SNX22: variants seen among roughly 807,000 people sequenced by gnomAD.
SNX22 encodes the protein sorting nexin 22, also known as sorting nexin-22.
SNX22 carries 23 observed loss-of-function variants against 24.7 expected under a neutral mutation model. The observed-to-expected ratio is 0.93, with a 90% confidence interval of 0.67 to 1.32. The LOEUF (loss-of-function observed/expected upper bound fraction) is 1.32. SNX22 is among the 40% of genes most tolerant of loss of function. SNX22 has a pLI of 0.00. For missense variants in SNX22, 261 were observed against 249.9 expected, an observed-to-expected ratio of 1.04 and a Z score of -0.30; for synonymous variants, 99 against 104.0, an observed-to-expected ratio of 0.95 and a Z score of 0.29.
Position 64,156,028 on chromosome 15 carries a change from C to A in SNX22, c.*1520C>A, listed in dbSNP as rs1036746834. On this transcript the variant is annotated 3_prime_UTR_variant, in exon 7 of 7. Transcript: ENST00000325881. The surrounding 1 kb of genome is among the most constrained non-coding windows in gnomAD (Gnocchi z 6.4). ...AAGAAAGATGTCCCTGTGCCCTACT[C>A]CTTGGCGATGGCAAAGGGCTTCTCC... The A allele has an allele frequency of 1.9e-6, 3 of 1,614,186 alleles. No individual in the cohort carries two copies. In the Admixed American group the frequency reaches 5.0e-5, roughly 27 times the overall value.
intron 2 of SNX22, 102 bp from the exon 3 acceptor site, chr15:64,152,536 T>G (rs765816405): frequency 7.7e-7 from 1 of 1,300,832 alleles, no homozygotes; most frequent in South Asian, 1.3e-5. Context: ...TCTGTCCCAG[T>G]AGAGCCCGAA....
chr15:64,156,220 A>G lies in SNX22; in HGVS notation c.*1712A>G. On this transcript the variant is annotated 3_prime_UTR_variant, in exon 7 of 7. Coordinates refer to ENST00000325881, the MANE Select transcript of SNX22 (RefSeq NM_024798.3). This position sits in a 1 kb window ranked among gnomAD's most constrained non-coding sequence, Gnocchi z 6.4. ...CCGCTCAGGAGAAAGGCCCCAGCGTATGGCTCAGGAGGGCTAAGACCCACA... is the reference window on the plus strand; with the variant it reads ...CCGCTCAGGAGAAAGGCCCCAGCGTGTGGCTCAGGAGGGCTAAGACCCACA... 1.3e-6 allele frequency: 2 copies of G among 1,584,134 alleles called. No individual in the cohort carries two copies. Among genetic ancestry groups the G allele is most frequent in the Non-Finnish European group, 8.6e-7 (1 of 1,159,650 alleles).
rs557505899 is a variant in SNX22 at position 64,154,463 on chromosome 15, G to T, written c.537G>T (p.Gln179His). The T allele has an allele frequency of 6.2e-7, 1 of 1,614,138 alleles. No individual in the cohort carries two copies. The highest frequency in any genetic ancestry group is 1.1e-5 in the South Asian group (1 of 91,084). ...YSFSISPDKA[Q>H]PKAACHPAPL... The stretch of plus-strand genomic sequence containing the variant: ...TCAGCATCAGCCCAGATAAAGCCCA[G>T]CCAAAGGCGGCCTGTCACCCTGCTC... Residue 179 changes from glutamine (Q) to histidine (H), a missense_variant, in exon 7 of 7, where the codon CAG becomes CAT. By Grantham distance (24) the Gln-to-His change is conservative. Coordinates refer to ENST00000325881, the MANE Select transcript of SNX22 (RefSeq NM_024798.3).
Position 64,154,499 on chromosome 15 carries a change from G to A in SNX22, c.573G>A (p.Pro191=), listed in dbSNP as rs143435068. Residue 191 remains proline (P), a synonymous_variant, in exon 7 of 7, where the codon CCG becomes CCA. Coordinates refer to ENST00000325881, the MANE Select transcript of SNX22 (RefSeq NM_024798.3). ...KAACHPAPLP[P]MP ...CCTGTCACCCTGCTCCTCTGCCACC[G>A]ATGCCCTGATCAGTCCAGAGGCCTT... 8.2e-4 allele frequency: 1,326 copies of A among 1,614,106 alleles called. No homozygotes were observed. Among genetic ancestry groups the A allele is most frequent in the Middle Eastern group, 2.8e-3 (17 of 6,062 alleles).
In SNX22 at chr15:64,152,673, G is replaced by C. The variant is rs140236564; in HGVS notation, c.195G>C (p.Ser65=). The C allele has an allele frequency of 5.2e-4, 839 of 1,614,190 alleles. 2 individuals are homozygous for C. The highest frequency in any genetic ancestry group is 4.8e-4 in the Admixed American group (29 of 60,024). The change falls in exon 3 of 7, where the codon TCG becomes TCC. Residue 65 remains serine (S), a synonymous_variant. Transcript: ENST00000325881. ...KKLYKVPDFP[S]KRLPNWRTRG... is the part of the protein sequence containing the mutation. ...TGTACAAAGTGCCCGACTTCCCCTC[G>C]AAACGCCTGCCCAACTGGAGGACCA... is the stretch of plus-strand genomic sequence containing the variant.
In SNX22 at chr15:64,152,661, C is replaced by A; in HGVS notation, c.183C>A (p.Pro61=). The A allele has an allele frequency of 6.2e-7, 1 of 1,614,184 alleles. No homozygotes were observed. Among genetic ancestry groups the A allele is most frequent in the Non-Finnish European group, 8.5e-7 (1 of 1,180,022 alleles). The change falls in exon 3 of 7, where the codon CCC becomes CCA. Residue 61 remains proline, a synonymous_variant. Coordinates refer to ENST00000325881, the MANE Select transcript of SNX22 (RefSeq NM_024798.3). ...AGATCAAGAAGCTGTACAAAGTGCCCGACTTCCCCTCGAAACGCCTGCCCA... is the reference window on the plus strand; with the variant it reads ...AGATCAAGAAGCTGTACAAAGTGCCAGACTTCCCCTCGAAACGCCTGCCCA... ...HKRIKKLYKV[P]DFPSKRLPNW...
In SNX22 at chr15:64,156,072, TC is replaced by T; in HGVS notation, c.*1565del. 1 of 1,614,228 alleles carries T rather than the reference TC, an allele frequency of 6.2e-7. No homozygotes were observed. The highest frequency in any genetic ancestry group is 8.5e-7 in the Non-Finnish European group (1 of 1,180,040). ...CTTCTCCACCTCGATCTTGCCGCAG[TC>T]TGCGATGATCACATCCTTCAGGGGT... is the stretch of plus-strand genomic sequence containing the variant. On this transcript the variant is annotated 3_prime_UTR_variant, in exon 7 of 7. Transcript: ENST00000325881. The surrounding 1 kb of genome is among the most constrained non-coding windows in gnomAD (Gnocchi z 6.4).
chr15:64,152,771 C>T lies in SNX22; in HGVS notation c.264+29C>T, dbSNP rs963198757. On this transcript the variant is annotated intron_variant, in intron 3 of 6. Coordinates refer to ENST00000325881, the MANE Select transcript of SNX22 (RefSeq NM_024798.3). ...TGCGAGAGCACAGTTGGTTGCCCCCCGGCCTTCTGTGCCAGGGGTGTGGCC... is the reference window on the plus strand; with the variant it reads ...TGCGAGAGCACAGTTGGTTGCCCCCTGGCCTTCTGTGCCAGGGGTGTGGCC... 11 of 1,599,328 alleles carry T rather than the reference C, an allele frequency of 6.9e-6. No individual in the cohort carries two copies. In the Admixed American group the frequency reaches 8.3e-5, roughly 12 times the overall value.
Position 64,152,731 on chromosome 15 carries a change from GCT to G in SNX22, c.254_255del (p.Ala85ValfsTer32). 6.2e-7 allele frequency: 1 copy of G among 1,614,160 alleles called. No homozygotes were observed. The highest frequency in any genetic ancestry group is 1.1e-5 in the South Asian group (1 of 91,088). On this transcript the variant is annotated frameshift_variant, in exon 3 of 7. Coordinates refer to ENST00000325881, the MANE Select transcript of SNX22 (RefSeq NM_024798.3). LOFTEE classifies it high-confidence loss of function. ...GGAACAGCGCCGGCAGGGCTTGGAG[GCT>G]TACATCCAGGTATGCGAGAGCACAG... Reference protein sequence around the residue: ...GLEQRRQGLEAYIQGILYLNQ... With the variant: ...GLEQRRQGLEXYIQGILYLNQ...
At chr15:64,154,180 G>T in intron 6 of SNX22, 178 bp downstream of exon 6, 1 of 1,573,660 alleles carries the variant, frequency 6.4e-7, no homozygotes, top group South Asian at 1.1e-5. Context: ...TGGCTTCCCT[G>T]GTCTCCATTT....
chr15:64,157,007 C>A lies in SNX22; in HGVS notation c.*2499C>A, dbSNP rs2081538171. The A allele has an allele frequency of 7.8e-7, 1 of 1,280,320 alleles. No homozygotes were observed. 79.3% of individuals were successfully genotyped at this position (1,280,320 alleles called of 1,614,324 possible). ...GAGGGGGCTTAACCTGTCCTCTGTG[C>A]CAGGCTAGGCTGGAGTGGACTACAA... On this transcript the variant is annotated 3_prime_UTR_variant, in exon 7 of 7. Coordinates refer to ENST00000325881, the MANE Select transcript of SNX22 (RefSeq NM_024798.3). This position sits in a 1 kb window ranked among gnomAD's most constrained non-coding sequence, Gnocchi z 4.2.
In SNX22 at chr15:64,153,352, G is replaced by A; in HGVS notation, c.359+13G>A. On this transcript the variant is annotated intron_variant, in intron 4 of 6. Coordinates refer to ENST00000325881, the MANE Select transcript of SNX22 (RefSeq NM_024798.3). ...CTAGCAACTGGGGGTAAGGGGGGCCGATGGCGGGGGCCAGGGGCTGTCAGC... is the reference window on the plus strand; with the variant it reads ...CTAGCAACTGGGGGTAAGGGGGGCCAATGGCGGGGGCCAGGGGCTGTCAGC... 1 of 1,613,344 alleles carries A rather than the reference G, an allele frequency of 6.2e-7. No homozygotes were observed. Among genetic ancestry groups the A allele is most frequent in the South Asian group, 1.1e-5 (1 of 91,064 alleles).
rs1018558060 is a variant in SNX22, at chr15:64,151,982, C to T, written c.75+132C>T. The T allele has an allele frequency of 4.0e-6, 4 of 995,544 alleles. No individual in the cohort carries two copies. The African/African-American group carries it at 5.2e-5, about 13-fold the overall frequency. 61.7% of individuals were successfully genotyped at this position (995,544 alleles called of 1,614,324 possible). A position where few individuals can be genotyped will look rare whatever the true frequency, so the allele number is the denominator to read the frequency against. The stretch of plus-strand genomic sequence containing the variant: ...GCTGGACCGTCGGGGGAAACCTTGT[C>T]GAGGGTTTGGGGGCCGCTTGGATTT... On this transcript the variant is annotated intron_variant, in intron 1 of 6. Coordinates refer to ENST00000325881, the MANE Select transcript of SNX22 (RefSeq NM_024798.3).
chr15:64,156,785 T>G lies in SNX22; in HGVS notation c.*2277T>G. 1 of 1,614,192 alleles carries G rather than the reference T, an allele frequency of 6.2e-7. No homozygotes were observed. Among genetic ancestry groups the G allele is most frequent in the Non-Finnish European group, 8.5e-7 (1 of 1,180,024 alleles). ...TGCCATCTAGCCAGGCTGTCTTGAC[T>G]GTCGTGATGAAGAACTGGGAGCCGT... On this transcript the variant is annotated 3_prime_UTR_variant, in exon 7 of 7. Transcript: ENST00000325881. This position sits in a 1 kb window ranked among gnomAD's most constrained non-coding sequence, Gnocchi z 6.4.
Position 64,156,668 on chromosome 15 carries a change from C to T in SNX22, c.*2160C>T. 6.2e-7 allele frequency: 1 copy of T among 1,600,108 alleles called. No homozygotes were observed. The highest frequency in any genetic ancestry group is 8.6e-7 in the Non-Finnish European group (1 of 1,167,360). ...ACACATGGAGCTCCTGCCCTGGGGT[C>T]TGTGTTGAATCCCCGGTGAGGATTG... On this transcript the variant is annotated 3_prime_UTR_variant, in exon 7 of 7. Coordinates refer to ENST00000325881, the MANE Select transcript of SNX22 (RefSeq NM_024798.3). This position sits in a 1 kb window ranked among gnomAD's most constrained non-coding sequence, Gnocchi z 6.4.
At position 64,156,491 on chromosome 15, in the gene SNX22, G is replaced by T. The variant is rs143219457; in HGVS notation, c.*1983G>T. 49 of 637,936 alleles carry T rather than the reference G, an allele frequency of 7.7e-5. No homozygotes were observed. In the East Asian group the frequency reaches 1.3e-3, roughly 16 times the overall value. The allele number at this position is 637,936 out of a possible 1,614,324, so 39.5% of individuals were successfully genotyped here. A position where few individuals can be genotyped will look rare whatever the true frequency, so the allele number is the denominator to read the frequency against. ...CAGCACGTCACTGAGTGAAGGAGGG[G>T]AGGGAGGCTCTGGCAGTTGTGCAGC... On this transcript the variant is annotated 3_prime_UTR_variant, in exon 7 of 7. Transcript: ENST00000325881. The surrounding 1 kb of genome is among the most constrained non-coding windows in gnomAD (Gnocchi z 6.4).
Position 64,152,324 on chromosome 15 carries a change from C to T in SNX22, c.157C>T (p.Arg53Trp), listed in dbSNP as rs1396224911. The change falls in exon 2 of 7, where the codon CGG (arginine) becomes TGG (tryptophan). Residue 53 changes from arginine (R) to tryptophan (W), a missense_variant and splice_region_variant. Coordinates refer to ENST00000325881, the MANE Select transcript of SNX22 (RefSeq NM_024798.3). ...RYSEFHALHK[R>W]IKKLYKVPDF... Reference sequence around the variant, plus strand: ...CAGCGAGTTCCACGCGCTGCACAAGCGGGTGAGGCGGCGCCGACCTCCCAC... The same window carrying T: ...CAGCGAGTTCCACGCGCTGCACAAGTGGGTGAGGCGGCGCCGACCTCCCAC... The T allele has an allele frequency of 2.0e-6, 3 of 1,512,910 alleles. No homozygotes were observed. The highest frequency in any genetic ancestry group is 2.1e-5 in the Admixed American group (1 of 47,732). 93.7% of individuals were successfully genotyped at this position (1,512,910 alleles called of 1,614,324 possible).
intron 6 of SNX22, 165 bp downstream of exon 6, chr15:64,154,167 G>A: frequency 6.3e-7 from 1 of 1,577,230 alleles, no homozygotes; most frequent in Non-Finnish European, 8.6e-7. Context: ...AGGAAAACAA[G>A]TTTGGCTTCC....
Position 64,157,243 on chromosome 15 carries a change from G to A in SNX22, c.*2735G>A. On this transcript the variant is annotated 3_prime_UTR_variant, in exon 7 of 7. Coordinates refer to ENST00000325881, the MANE Select transcript of SNX22 (RefSeq NM_024798.3). The surrounding 1 kb of genome is among the most constrained non-coding windows in gnomAD (Gnocchi z 4.2). Reference sequence around the variant, plus strand: ...CTGCCACGGAGGGACTTTGGTGGAGGGAAGTGCCGTGCAGGATGCAGGGGA... The same window carrying A: ...CTGCCACGGAGGGACTTTGGTGGAGAGAAGTGCCGTGCAGGATGCAGGGGA... 2.7e-6 allele frequency: 1 copy of A among 375,396 alleles called. No individual in the cohort carries two copies. The highest frequency in any genetic ancestry group is 2.8e-5 in the South Asian group (1 of 36,130). The allele number at this position is 375,396 out of a possible 1,614,324, so 23.3% of individuals were successfully genotyped here. A position where few individuals can be genotyped will look rare whatever the true frequency, so the allele number is the denominator to read the frequency against.
Sources: gnomAD v4.1 joint callset for allele counts on GRCh38, gnomAD v4.1.1 for gene constraint, Gnocchi (gnomAD v3.1) non-coding constraint, MANE v1.5 for transcripts, NCBI Gene and HGNC (gene_info 2026-07-23, HGNC 2026-07-21) for gene names.